The following KIFAP3 variants were observed in gnomAD, a reference collection of about 807,000 sequenced individuals.
The protein encoded by KIFAP3 is kinesin associated protein 3.
KIFAP3 carries 68 observed loss-of-function variants against 106.5 expected under a neutral mutation model. The observed-to-expected ratio is 0.64, with a 90% CI of 0.53 to 0.78. KIFAP3 has a LOEUF of 0.78. Among genes scored for constraint, KIFAP3 ranks in the 30% least tolerant of loss-of-function variants. The pLI is 0.00. For synonymous variants in KIFAP3, 320 were observed against 311.5 expected (o/e 1.03, Z -0.29); for missense variants, 780 against 941.8 (o/e 0.83, Z 2.25).
intron 10 of KIFAP3, among the ~76,000 whole-genome samples, chr1:170,009,760 C>T (rs1053829024): frequency 4.6e-5 from 7 of 152,054 alleles, no homozygotes; most frequent in African/African-American, 1.7e-4. Context: ...TCTTCCAACC[C>T]AGGATAGTCT....
At position 169,992,255 on chromosome 1, in the gene KIFAP3, C is replaced by A; in HGVS notation, c.1184G>T (p.Gly395Val). ...GLLPKLTALL[G>V]NDNYKQIAMC... ...TGCTATTTGTTTGTAGTTGTCATTG[C>A]CTAGGAATAAAACATCATGGTGATG... The change falls in exon 11 of 20, where the codon GGC becomes GTC. Residue 395 changes from glycine to valine, a missense_variant and splice_region_variant. Gly to Val is a moderately radical substitution (Grantham distance 109, BLOSUM62 -3). Transcript: ENST00000361580. 6.5e-7 allele frequency: 1 copy of A among 1,533,382 alleles called. No homozygotes were observed. The allele number at this position is 1,533,382 out of a possible 1,614,324, so 95.0% of individuals were successfully genotyped here.
At chr1:169,936,137 A>C (rs193240627) in intron 19 of KIFAP3, among the ~76,000 whole-genome samples, 95 of 152,102 alleles carry the variant, frequency 6.2e-4, no homozygotes, top group Non-Finnish European at 1.2e-3. Context: ...AAAAGTGTTA[A>C]AAATTCATCA....
chr1:169,988,056 G>C, intron 11 of KIFAP3, among the ~76,000 whole-genome samples: 1 of 151,834 alleles, frequency 6.6e-6, no homozygotes, highest in East Asian at 1.9e-4. Flanking sequence ...AATAGGGTAA[G>C]AAAATTAGAA....
chr1:169,947,306 C>T (rs1011147291), intron 19 of KIFAP3, among the ~76,000 whole-genome samples: 5 of 151,826 alleles, frequency 3.3e-5, no homozygotes, highest in African/African-American at 9.7e-5. Context: ...AATCATATAC[C>T]ATGCCCGAAT....
chr1:170,053,713 G>A (rs1341235570), intron 2 of KIFAP3, among the ~76,000 whole-genome samples: 3 of 151,844 alleles, frequency 2.0e-5, no homozygotes, highest in Admixed American at 6.6e-5. Flanking sequence ...ACTAACCTTC[G>A]ACAAATCTGA....
intron 15 of KIFAP3, among the ~76,000 whole-genome samples, chr1:169,979,387 G>A (rs1415388383): frequency 6.6e-6 from 1 of 151,850 alleles, no homozygotes; most frequent in Non-Finnish European, 1.5e-5. Flanking sequence ...CTTCAAATAT[G>A]GGGCATTATC....
chr1:169,946,741 C>G (rs560403915), intron 19 of KIFAP3, among the ~76,000 whole-genome samples: 33 of 152,086 alleles, frequency 2.2e-4, no homozygotes, highest in Non-Finnish European at 4.6e-4. Flanking sequence ...ACTTCATATA[C>G]TTAGATTTAG....
intron 1 of KIFAP3, among the ~76,000 whole-genome samples, chr1:170,066,801 A>G (rs1645272992): frequency 6.6e-6 from 1 of 152,176 alleles, no homozygotes; most frequent in East Asian, 1.9e-4. Flanking sequence ...TCGGTCACCA[A>G]CAAGACTAAA....
chr1:169,990,195 G>A (rs1667028271), intron 11 of KIFAP3: 7 of 1,313,242 alleles, frequency 5.3e-6, no homozygotes, highest in Non-Finnish European at 7.1e-6. Flanking sequence ...GTTTAGAGGT[G>A]AGTGTATTTG....
In KIFAP3 at chr1:169,940,722, T is replaced by TG. The variant is rs1571527811; in HGVS notation, c.2273+13288dup. ...TTCCCAACAGGCCATGGACAGGTAC[T>TG]GGCCTGGGAGTTGGGGACCCCTGAT... On this transcript the variant is annotated intron_variant, in intron 19 of 19. Transcript: ENST00000361580. Among the ~76,000 whole-genome samples, 3 of 152,316 alleles carry TG rather than the reference T, an allele frequency of 2.0e-5. No homozygotes were observed. In the East Asian group the frequency reaches 5.8e-4, roughly 29 times the overall value.
chr1:169,971,889 G>A (rs1265257510), intron 17 of KIFAP3, among the ~76,000 whole-genome samples: 1 of 151,830 alleles, frequency 6.6e-6, no homozygotes, highest in East Asian at 1.9e-4. Flanking sequence ...TACAGCCCTG[G>A]TGCAAGGCCC....
chr1:169,951,428 G>A (rs996097584), intron 19 of KIFAP3, among the ~76,000 whole-genome samples: 6 of 151,780 alleles, frequency 4.0e-5, no homozygotes, highest in African/African-American at 1.2e-4. Flanking sequence ...ATATTACTGG[G>A]ATATGTCTTT....
In KIFAP3 at chr1:169,997,713, C is replaced by T. The variant is rs369960224; in HGVS notation, c.1184-5458G>A. Among the ~76,000 whole-genome samples the T allele has an allele frequency of 6.3e-4, 95 of 151,598 alleles. No individual in the cohort carries two copies. The East Asian group carries it at 0.011, about 18-fold the overall frequency. On this transcript the variant is annotated intron_variant, in intron 10 of 19. Coordinates refer to ENST00000361580, the MANE Select transcript of KIFAP3 (RefSeq NM_014970.4). ...TGATGAAACCCTGTCTCTACTAAAACATAAAAATTTGCCAGGCATGATGGC... is the reference window on the plus strand; with the variant it reads ...TGATGAAACCCTGTCTCTACTAAAATATAAAAATTTGCCAGGCATGATGGC...
chr1:169,988,828 G>A lies in KIFAP3; in HGVS notation c.1284+3327C>T, dbSNP rs185841461. On this transcript the variant is annotated intron_variant, in intron 11 of 19. Coordinates refer to ENST00000361580, the MANE Select transcript of KIFAP3 (RefSeq NM_014970.4). ...AAGTTATAGGCTGGATACCACATTA[G>A]GAGCAAATATATTGTACAGTATCAT... is the stretch of plus-strand genomic sequence containing the variant. Among the ~76,000 whole-genome samples, 632 of 151,948 alleles carry A rather than the reference G, an allele frequency of 4.2e-3. 5 individuals are homozygous for A. Among genetic ancestry groups the A allele is most frequent in the Admixed American group, 6.4e-3 (98 of 15,234 alleles).
Position 170,045,157 on chromosome 1 carries a change from T to C in KIFAP3, c.319+1555A>G, listed in dbSNP as rs146589867. Among the ~76,000 whole-genome samples, 1,130 of 152,292 alleles carry C rather than the reference T, an allele frequency of 7.4e-3. 19 individuals carry two copies. Among genetic ancestry groups the C allele is most frequent in the African/African-American group, 0.025 (1,038 of 41,564 alleles). Reference sequence around the variant, plus strand: ...ATATGACCAGACTGCTTTGAGGAGTTGACATTGACTTTACAGAGCCAATAA... The same window carrying C: ...ATATGACCAGACTGCTTTGAGGAGTCGACATTGACTTTACAGAGCCAATAA... On this transcript the variant is annotated intron_variant, in intron 3 of 19. Coordinates refer to ENST00000361580, the MANE Select transcript of KIFAP3 (RefSeq NM_014970.4).
chr1:169,990,180 C>T, intron 11 of KIFAP3: 1 of 1,426,936 alleles, frequency 7.0e-7, no homozygotes, highest in Non-Finnish European at 9.4e-7. Flanking sequence ...GAACACTTTA[C>T]AGATGTTTAG....
chr1:169,925,368 G>T (rs1468666904), intron 19 of KIFAP3, among the ~76,000 whole-genome samples: 1 of 151,910 alleles, frequency 6.6e-6, no homozygotes, highest in Non-Finnish European at 1.5e-5. Flanking sequence ...AAGTCAATCT[G>T]CCATTAAGTT....
intron 9 of KIFAP3, among the ~76,000 whole-genome samples, chr1:170,017,255 C>CAAAAA (rs11417586): frequency 8.6e-5 from 6 of 70,132 alleles, no homozygotes; most frequent in Non-Finnish European, 1.3e-4. Context: ...GAGACTGTCT[C>CAAAAA]AAAAAAAAAA....
chr1:170,016,160 G>T (rs548103946), intron 10 of KIFAP3, among the ~76,000 whole-genome samples: 22 of 152,110 alleles, frequency 1.4e-4, no homozygotes, highest in African/African-American at 4.3e-4. Flanking sequence ...GAAAAATCCT[G>T]AAGATAAAAT....
Sources: gnomAD v4.1 joint callset for allele counts (sites outside exome capture counted in the v4.1 genomes callset) on GRCh38, gnomAD v4.1.1 for gene constraint, MANE v1.5 for transcripts, NCBI Gene and HGNC (gene_info 2026-07-23, HGNC 2026-07-21) for gene names.